CDKL1: variants seen among roughly 807,000 people sequenced by gnomAD.
CDKL1 encodes the protein cyclin dependent kinase like 1, also known as cyclin-dependent kinase-like 1.
CDKL1 carries 41 observed loss-of-function variants against 42.0 expected under a neutral mutation model. The observed-to-expected ratio is 0.98, with a 90% CI of 0.76 to 1.27. The LOEUF (loss-of-function observed/expected upper bound fraction) is 1.27. CDKL1 is among the 50% of genes most tolerant of loss of function. The pLI, the probability that CDKL1 is intolerant of heterozygous loss-of-function variation, is 0.00. For synonymous variants in CDKL1, 153 were observed against 158.6 expected (o/e 0.96, Z 0.26); for missense variants, 394 against 428.4 (o/e 0.92, Z 0.71).
intron 2 of CDKL1, among the ~76,000 whole-genome samples, chr14:50,364,435 C>G (rs2034380901): frequency 6.6e-6 from 1 of 152,204 alleles, no homozygotes; most frequent in African/African-American, 2.4e-5. Flanking sequence ...TGCCACTGCA[C>G]TCCAGCCAGG....
At chr14:50,356,291 C>T (rs1342837583) in intron 3 of CDKL1, among the ~76,000 whole-genome samples, 3 of 152,166 alleles carry the variant, frequency 2.0e-5, no homozygotes, top group Non-Finnish European at 4.4e-5. Flanking sequence ...GAAACTTTAC[C>T]TAGTCCTAAA....
rs1052759301 is a variant in CDKL1 at position 50,341,250 on chromosome 14, A to G, written c.455-18T>C. On this transcript the variant is annotated intron_variant, in intron 5 of 9. Transcript: ENST00000395834. ...CGGTCCAGCTAGCCAGTGATGGAAC[A>G]TGGAAAACAAACAGCAGCGGAAGGC... is the stretch of plus-strand genomic sequence containing the variant. 13 of 1,572,410 alleles carry G rather than the reference A, an allele frequency of 8.3e-6. No individual in the cohort carries two copies. The highest frequency in any genetic ancestry group is 1.1e-5 in the Non-Finnish European group (13 of 1,153,664).
At chr14:50,390,344 CG>C in intron 2 of CDKL1, 5 of 1,366,432 alleles carry the variant, frequency 3.7e-6, no homozygotes, top group Non-Finnish European at 4.9e-6. Flanking sequence ...CCTCCAACTC[CG>C]CTAGGAGCAT....
At position 50,341,070 on chromosome 14, in the gene CDKL1, G is replaced by A. The variant is rs758484311; in HGVS notation, c.617C>T (p.Ser206Leu). The change falls in exon 6 of 10, where the codon TCG (serine) becomes TTG (leucine). Residue 206 changes from serine (S) to leucine (L), a missense_variant. Physicochemically the swap from Ser to Leu is moderately radical, Grantham distance 145 (BLOSUM62 -2). Coordinates refer to ENST00000395834, the MANE Select transcript of CDKL1 (RefSeq NM_004196.7). Reference sequence around the variant, plus strand: ...AATCAGATACAGCTGATCCACATCCGATTTTCCTGGCCACAGAGGCACTCC... The same window carrying A: ...AATCAGATACAGCTGATCCACATCCAATTTTCCTGGCCACAGAGGCACTCC... ...LSGVPLWPGK[S>L]DVDQLYLIRK... The A allele has an allele frequency of 3.7e-5, 59 of 1,613,832 alleles. No individual in the cohort carries two copies. Among genetic ancestry groups the A allele is most frequent in the Non-Finnish European group, 4.6e-5 (54 of 1,180,040 alleles).
At chr14:50,345,411 T>C (rs2211247) in intron 3 of CDKL1, among the ~76,000 whole-genome samples, 112,240 of 152,138 alleles carry the variant, frequency 0.74, 41,719 homozygotes, top group African/African-American at 0.82. Flanking sequence ...GAATTTTTTA[T>C]TGATGTAAAG....
Position 50,345,109 on chromosome 14 carries a change from T to G in CDKL1, c.291-51A>C, listed in dbSNP as rs1233879988. 5 of 1,545,774 alleles carry G rather than the reference T, an allele frequency of 3.2e-6. No homozygotes were observed. The South Asian group carries it at 5.8e-5, about 18-fold the overall frequency. On this transcript the variant is annotated intron_variant, in intron 3 of 9. Transcript: ENST00000395834. ...ACATTCTTTAGTGTAGCCATGGAAT[T>G]CAGCTCAAGAAAAGAAAAAATAAAC... is the stretch of plus-strand genomic sequence containing the variant.
intron 2 of CDKL1, among the ~76,000 whole-genome samples, chr14:50,394,805 GATAT>G (rs906341604): frequency 2.0e-5 from 3 of 151,992 alleles, no homozygotes; most frequent in Non-Finnish European, 4.4e-5. Flanking sequence ...TCCCCCCTCT[GATAT>G]CATGTTATTT....
chr14:50,360,005 C>A (rs1382417058), intron 2 of CDKL1, among the ~76,000 whole-genome samples: 3 of 151,970 alleles, frequency 2.0e-5, no homozygotes, highest in Non-Finnish European at 4.4e-5. Context: ...TCATGGAGTC[C>A]CTTCTGCAGT....
intron 2 of CDKL1, among the ~76,000 whole-genome samples, chr14:50,385,070 CAAAAAAAAAAAAAAAAAAAAAA>C (rs55719234): frequency 0.33 from 30,559 of 93,742 alleles, 4,139 homozygotes; most frequent in Middle Eastern, 0.39. Context: ...GACTCTGTCT[CAAAAAAAAAAAAAAAAAAAAAA>C]AAAAAAAAAA....
chr14:50,335,335 T>A, intron 7 of CDKL1: 2 of 464,160 alleles, frequency 4.3e-6, no homozygotes, highest in Middle Eastern at 6.5e-4. Flanking sequence ...GCTCTAATTC[T>A]AATTATATAA....
chr14:50,379,997 C>T (rs1011532676), intron 2 of CDKL1: 7 of 413,026 alleles, frequency 1.7e-5, no homozygotes, highest in South Asian at 3.6e-5. Flanking sequence ...GTTAGAGCAC[C>T]GTTTCATACT....
intron 7 of CDKL1, 86 bp downstream of exon 7, chr14:50,338,861 G>T: frequency 1.2e-6 from 1 of 861,328 alleles, no homozygotes; most frequent in South Asian, 1.3e-5. Flanking sequence ...TCCAATGCAG[G>T]GTGAGCCATG....
intron 4 of CDKL1, among the ~76,000 whole-genome samples, chr14:50,344,151 C>G (rs1317428058): frequency 6.6e-6 from 1 of 152,194 alleles, no homozygotes; most frequent in Non-Finnish European, 1.5e-5. Flanking sequence ...GTCACGTCAC[C>G]TGGGCAATAG....
intron 2 of CDKL1, among the ~76,000 whole-genome samples, chr14:50,374,847 A>G (rs548052857): frequency 6.6e-6 from 1 of 152,326 alleles, no homozygotes; most frequent in East Asian, 1.9e-4. Context: ...CTCTAATAGA[A>G]GGAACCAGGG....
intron 1 of CDKL1, 175 bp downstream of exon 1, chr14:50,396,649 A>C (rs1056530778): frequency 1.0e-5 from 2 of 197,730 alleles, no homozygotes; most frequent in African/African-American, 2.4e-5. Flanking sequence ...CTCCCCGCGG[A>C]GGCGGCGGCG....
At chr14:50,393,685 GAA>G (rs1163658946) in intron 2 of CDKL1, among the ~76,000 whole-genome samples, 2 of 152,128 alleles carry the variant, frequency 1.3e-5, no homozygotes, top group African/African-American at 4.8e-5. Flanking sequence ...ACACAACTCT[GAA>G]AAGTTACAGC....
chr14:50,350,580 T>C (rs1219381104), intron 3 of CDKL1, among the ~76,000 whole-genome samples: 2 of 152,164 alleles, frequency 1.3e-5, no homozygotes, highest in Non-Finnish European at 2.9e-5. Context: ...TCCTAGTAAA[T>C]AGTACTCCAA....
chr14:50,364,267 A>C (rs1221247394), intron 2 of CDKL1, among the ~76,000 whole-genome samples: 1 of 152,216 alleles, frequency 6.6e-6, no homozygotes, highest in Non-Finnish European at 1.5e-5. Flanking sequence ...TTAGGAGTTC[A>C]AGACCAGCCT....
chr14:50,335,519 G>A (rs1595257400), intron 7 of CDKL1: 2 of 1,536,072 alleles, frequency 1.3e-6, no homozygotes, highest in African/African-American at 1.4e-5. Context: ...CGTATAAGGC[G>A]ATTTTGCGCC....
Sources: allele counts gnomAD v4.1 joint callset (sites outside exome capture counted in the v4.1 genomes callset), GRCh38; gene constraint gnomAD v4.1.1; transcripts MANE v1.5; gene names NCBI Gene and HGNC (gene_info 2026-07-23, HGNC 2026-07-21).